TMEM232: variants seen among roughly 807,000 people sequenced by gnomAD.
The protein encoded by TMEM232 is transmembrane protein 232.
A neutral mutation model predicts 78.8 loss-of-function variants in TMEM232; 80 were observed. The observed-to-expected ratio is 1.01, with a 90% confidence interval of 0.85 to 1.22. TMEM232 has a LOEUF of 1.22. TMEM232 is among the 50% of genes most tolerant of loss of function. The pLI, the probability that TMEM232 is intolerant of heterozygous loss-of-function variation, is 0.00. For synonymous variants in TMEM232, 297 were observed against 254.3 expected, an observed-to-expected ratio of 1.17 and a Z score of -1.60; for missense variants, 881 against 742.2, an observed-to-expected ratio of 1.19 and a Z score of -2.17.
At chr5:110,434,241 CAG>C (rs957490004) in intron 12 of TMEM232, among the ~76,000 whole-genome samples, 1 of 146,592 alleles carries the variant, frequency 6.8e-6, no homozygotes, top group Non-Finnish European at 1.5e-5. Context: ...AAAAAGAAAA[CAG>C]AGAAGATTCA....
chr5:110,659,339 A>C (rs1018805868), intron 2 of TMEM232, among the ~76,000 whole-genome samples: 2 of 152,090 alleles, frequency 1.3e-5, no homozygotes, highest in Non-Finnish European at 2.9e-5. Context: ...AAGAAAAAAG[A>C]ACTATTACTG....
chr5:110,709,154 A>G (rs1191832375), intron 1 of TMEM232, among the ~76,000 whole-genome samples: 1 of 152,112 alleles, frequency 6.6e-6, no homozygotes, highest in Non-Finnish European at 1.5e-5. Flanking sequence ...TTATTAAATG[A>G]TAAAGTGGTC....
chr5:110,479,395 G>C (rs985831513), intron 12 of TMEM232, among the ~76,000 whole-genome samples: 23 of 151,538 alleles, frequency 1.5e-4, no homozygotes. Flanking sequence ...ACAACAACCA[G>C]ATAAGGAAAT....
chr5:110,466,543 G>A (rs1303177826), intron 12 of TMEM232, among the ~76,000 whole-genome samples: 1 of 150,994 alleles, frequency 6.6e-6, no homozygotes, highest in Admixed American at 6.6e-5. Flanking sequence ...GGACTTTTTG[G>A]TATTTATAAT....
At chr5:110,481,718 T>G (rs1763885429) in intron 12 of TMEM232, among the ~76,000 whole-genome samples, 1 of 152,144 alleles carries the variant, frequency 6.6e-6, no homozygotes, top group Non-Finnish European at 1.5e-5. Flanking sequence ...GAGCTAGTGT[T>G]TGAGACAAGA....
rs367653440 is a variant in TMEM232 at position 110,724,993 on chromosome 5, G to C, written c.-13+1634C>G. Among the ~76,000 whole-genome samples the C allele has an allele frequency of 9.2e-5, 14 of 152,226 alleles. No individual in the cohort carries two copies. The East Asian group carries it at 2.7e-3, about 29-fold the overall frequency. On this transcript the variant is annotated intron_variant, in intron 1 of 13. Transcript: ENST00000455884. ...AGGAATAAAATAATTTACTAAGGTGGTATATTTTTTAAAGAGATTTGTTTT... is the reference window on the plus strand; with the variant it reads ...AGGAATAAAATAATTTACTAAGGTGCTATATTTTTTAAAGAGATTTGTTTT...
At chr5:110,735,070 T>C (rs1799023214) in intron 1 of TMEM232, 1 of 152,188 alleles carries the variant, frequency 6.6e-6, no homozygotes, top group African/African-American at 2.4e-5. Context: ...CCCAATACAG[T>C]GGTTTACACA....
chr5:110,706,000 A>G (rs1311551053), intron 1 of TMEM232, among the ~76,000 whole-genome samples: 1 of 151,958 alleles, frequency 6.6e-6, no homozygotes, highest in African/African-American at 2.4e-5. Flanking sequence ...ATCAGATAAT[A>G]TTTGATTTAA....
chr5:110,657,031 C>G (rs1789174759), intron 2 of TMEM232, among the ~76,000 whole-genome samples: 1 of 152,086 alleles, frequency 6.6e-6, no homozygotes, highest in Non-Finnish European at 1.5e-5. Flanking sequence ...CCATATCCAT[C>G]ACTTTCAATA....
chr5:110,664,222 T>C (rs1300384611), intron 2 of TMEM232, among the ~76,000 whole-genome samples: 1 of 152,162 alleles, frequency 6.6e-6, no homozygotes, highest in Non-Finnish European at 1.5e-5. Flanking sequence ...TGGCATTGAT[T>C]TTATTGTCAA....
rs143061642 is a variant in TMEM232 at position 110,668,501 on chromosome 5, C to T, written c.-12-1137G>A. Among the ~76,000 whole-genome samples the T allele has an allele frequency of 3.9e-5, 6 of 152,188 alleles. No homozygotes were observed. In the South Asian group the frequency reaches 1.0e-3, roughly 26 times the overall value. ...GGGCAAAGTGAAGAAGAATGGAAAG[C>T]AGATCTGAGTGGCAATGGGAAAATA... On this transcript the variant is annotated intron_variant, in intron 1 of 13. Coordinates refer to ENST00000455884, the MANE Select transcript of TMEM232 (RefSeq NM_001039763.4).
chr5:110,449,747 T>C (rs1025086218), intron 12 of TMEM232, among the ~76,000 whole-genome samples: 2 of 152,286 alleles, frequency 1.3e-5, no homozygotes, highest in South Asian at 2.1e-4. Context: ...CTGTATCAGA[T>C]TGTGGAGCTA....
chr5:110,599,428 C>G (rs887024880), intron 10 of TMEM232, among the ~76,000 whole-genome samples: 4 of 152,150 alleles, frequency 2.6e-5, no homozygotes, highest in Non-Finnish European at 5.9e-5. Context: ...CGAGACCCAT[C>G]TCACATGCAA....
At chr5:110,570,745 TGTG>T (rs1776850506) in intron 10 of TMEM232, among the ~76,000 whole-genome samples, 1 of 152,030 alleles carries the variant, frequency 6.6e-6, no homozygotes, top group African/African-American at 2.4e-5. Flanking sequence ...TAATCCACGT[TGTG>T]GAAACTGACC....
chr5:110,672,480 T>C (rs1040138410), intron 1 of TMEM232, among the ~76,000 whole-genome samples: 5 of 152,160 alleles, frequency 3.3e-5, no homozygotes, highest in Non-Finnish European at 5.9e-5. Context: ...AGAGAGACAA[T>C]TTGTGCCCTC....
intron 12 of TMEM232, among the ~76,000 whole-genome samples, chr5:110,524,409 AAGAAAGAAAAGAAAAG>A (rs1355714959): frequency 4.5e-5 from 2 of 44,248 alleles, no homozygotes; most frequent in African/African-American, 7.6e-5. Context: ...GAAAGAAAGA[AAGAAAGAAAAGAAAAG>A]AAAAGAAAAG....
At position 110,559,034 on chromosome 5, in the gene TMEM232, A is replaced by G. The variant is rs146101993; in HGVS notation, c.1455+9413T>C. The stretch of plus-strand genomic sequence containing the variant: ...CCAGGGATCTGCTCAGAGTATGCCA[A>G]CCTTCTCAATGGTCTAGTAACTTGG... On this transcript the variant is annotated intron_variant, in intron 11 of 13. Transcript: ENST00000455884. Among the ~76,000 whole-genome samples, 12 of 152,282 alleles carry G rather than the reference A, an allele frequency of 7.9e-5. No individual in the cohort carries two copies. In the East Asian group the frequency reaches 2.3e-3, roughly 29 times the overall value.
chr5:110,471,294 A>G (rs1762651800), intron 12 of TMEM232, among the ~76,000 whole-genome samples: 1 of 152,138 alleles, frequency 6.6e-6, no homozygotes, highest in Non-Finnish European at 1.5e-5. Flanking sequence ...GTATTATGGG[A>G]ATTCCAGAAG....
intron 7 of TMEM232, among the ~76,000 whole-genome samples, chr5:110,620,577 A>ATC (rs66736608): frequency 1.6e-3 from 68 of 43,118 alleles, no homozygotes; most frequent in East Asian, 4.2e-3. Context: ...TGTCTCTCAT[A>ATC]TCTCTCTCTC....
Sources: allele counts gnomAD v4.1 joint callset (sites outside exome capture counted in the v4.1 genomes callset), GRCh38; gene constraint gnomAD v4.1.1; transcripts MANE v1.5; gene names NCBI Gene and HGNC (gene_info 2026-07-23, HGNC 2026-07-21).